The following MROH1 variants were observed in gnomAD, a reference collection of about 807,000 sequenced individuals.
MROH1 encodes the protein maestro heat like repeat family member 1, also known as maestro heat-like repeat-containing protein family member 1.
A neutral mutation model predicts 116.5 loss-of-function variants in MROH1; 117 were observed. That is an observed-to-expected ratio of 1.00 (90% CI 0.86 to 1.17). The LOEUF is 1.17. MROH1 is among the 50% of genes most tolerant of loss of function. The pLI, the probability that MROH1 is intolerant of heterozygous loss-of-function variation, is 0.00. For missense variants in MROH1, 1,873 were observed against 1,338.5 expected, an observed-to-expected ratio of 1.40 and a Z score of -6.23; for synonymous variants, 921 against 583.9, an observed-to-expected ratio of 1.58 and a Z score of -8.32.
intron 35 of MROH1, 24 bp downstream of exon 35, chr8:144,255,729 C>A: frequency 1.4e-6 from 1 of 734,682 alleles, no homozygotes; most frequent in Non-Finnish European, 2.5e-6. Context: ...CACTTCCCAC[C>A]TCCAGTACTG....
intron 12 of MROH1, among the ~76,000 whole-genome samples, chr8:144,215,157 A>G (rs776316673): frequency 6.6e-6 from 1 of 152,186 alleles, no homozygotes; most frequent in Non-Finnish European, 1.5e-5. Context: ...TGCATCCTTC[A>G]CTCTAATTAA....
chr8:144,179,619 A>G lies in MROH1; in HGVS notation c.300+33A>G, dbSNP rs2131313868. ...GCAGGCCCTCTGGCCTCGCAGACTC[A>G]GGCCTAGCTTGGGAAGGGAAGCTGC... On this transcript the variant is annotated intron_variant, in intron 5 of 43. Transcript: ENST00000326134. The G allele has an allele frequency of 2.5e-6, 4 of 1,575,528 alleles. No homozygotes were observed. In the East Asian group the frequency reaches 7.1e-5, roughly 28 times the overall value.
At chr8:144,202,018 C>CAAA (rs1360553214) in intron 12 of MROH1, among the ~76,000 whole-genome samples, 3 of 147,198 alleles carry the variant, frequency 2.0e-5, no homozygotes, top group African/African-American at 5.0e-5. Flanking sequence ...ACTCCGTCTC[C>CAAA]AAAAAAAAAA....
At chr8:144,166,518 G>A (rs946215682) in intron 3 of MROH1, among the ~76,000 whole-genome samples, 20 of 152,194 alleles carry the variant, frequency 1.3e-4, no homozygotes, top group Non-Finnish European at 2.6e-4. Context: ...CAGGATGGGT[G>A]AAGCTCTGCC....
At chr8:144,219,010 T>G (rs937079204) in intron 12 of MROH1, among the ~76,000 whole-genome samples, 42 of 133,306 alleles carry the variant, frequency 3.2e-4, no homozygotes, top group South Asian at 3.1e-3. Context: ...AATTTTTGTG[T>G]TTTTTTTTGT....
intron 22 of MROH1, chr8:144,242,100 G>A: frequency 3.5e-6 from 2 of 569,238 alleles, no homozygotes; most frequent in South Asian, 3.9e-5. Context: ...TTGACCCTCG[G>A]CCCTCTGCTA....
intron 12 of MROH1, chr8:144,214,007 A>T (rs1834743726): frequency 6.6e-6 from 1 of 152,108 alleles, no homozygotes; most frequent in Admixed American, 6.5e-5. Flanking sequence ...AAAACACAGT[A>T]ATTTCATAGA....
At chr8:144,166,029 C>T (rs1234023210) in intron 3 of MROH1, among the ~76,000 whole-genome samples, 2 of 152,100 alleles carry the variant, frequency 1.3e-5, no homozygotes, top group Non-Finnish European at 1.5e-5. Context: ...TAGGTACCTG[C>T]CATCACACCT....
intron 39 of MROH1, 68 bp from the exon 40 acceptor site, chr8:144,260,609 G>C: frequency 1.3e-6 from 1 of 768,322 alleles, no homozygotes; most frequent in South Asian, 1.3e-5. Context: ...ATCAATGGCA[G>C]GGGGCTAGGC....
chr8:144,249,084 G>GGGGGTGC (rs1842399513), intron 32 of MROH1, 55 bp downstream of exon 32: 1 of 709,360 alleles, frequency 1.4e-6, no homozygotes, highest in African/African-American at 1.8e-5. Context: ...AGAGGGCGCG[G>GGGGGTGC]TGGGACGGGC....
chr8:144,231,211 T>C (rs1222528153), intron 14 of MROH1, among the ~76,000 whole-genome samples: 1 of 151,384 alleles, frequency 6.6e-6, no homozygotes, highest in Non-Finnish European at 1.5e-5. Flanking sequence ...TCTACTTCTT[T>C]CTACACAGAC....
chr8:144,232,109 A>G (rs559759330), intron 14 of MROH1, among the ~76,000 whole-genome samples: 5 of 152,322 alleles, frequency 3.3e-5, no homozygotes, highest in Admixed American at 1.3e-4. Context: ...ATAGTAGGGT[A>G]AACTATAGTC....
chr8:144,226,420 G>A (rs550843792), intron 14 of MROH1, among the ~76,000 whole-genome samples: 1 of 152,228 alleles, frequency 6.6e-6, no homozygotes, highest in East Asian at 1.9e-4. Flanking sequence ...GTCATCATCT[G>A]TCAGCAGTAC....
chr8:144,153,101 A>C (rs992956523), intron 1 of MROH1, among the ~76,000 whole-genome samples: 1 of 152,130 alleles, frequency 6.6e-6, no homozygotes, highest in Non-Finnish European at 1.5e-5. Context: ...TTGGGATTCC[A>C]CGTGTGAGAT....
intron 12 of MROH1, among the ~76,000 whole-genome samples, chr8:144,206,984 G>A (rs1832962855): frequency 6.6e-6 from 1 of 151,136 alleles, no homozygotes; most frequent in African/African-American, 2.4e-5. Context: ...AGTGAGCCAA[G>A]ATTGCATCAC....
In MROH1 at chr8:144,259,259, G is replaced by T; in HGVS notation, c.3949G>T (p.Gly1317Trp). The change falls in exon 37 of 44, where the codon GGG becomes TGG. Residue 1317 changes from glycine to tryptophan, a missense_variant. Coordinates refer to ENST00000326134, the MANE Select transcript of MROH1 (RefSeq NM_032450.3). ...RLARAMAEHA[G>W]PRLPLVLKTL... Reference sequence around the variant, plus strand: ...TCCCAGGGCCATGGCTGAGCACGCAGGGCCCCGACTCCCCCTGGTGCTGAA... The same window carrying T: ...TCCCAGGGCCATGGCTGAGCACGCATGGCCCCGACTCCCCCTGGTGCTGAA... 1 of 714,454 alleles carries T rather than the reference G, an allele frequency of 1.4e-6. No individual in the cohort carries two copies. Among genetic ancestry groups the T allele is most frequent in the East Asian group, 2.7e-5 (1 of 37,292 alleles). 44.3% of individuals were successfully genotyped at this position (714,454 alleles called of 1,614,324 possible).
Position 144,163,286 on chromosome 8 carries a change from G to A in MROH1, c.-56-485G>A, listed in dbSNP as rs373070612. On this transcript the variant is annotated intron_variant, in intron 2 of 43. Coordinates refer to ENST00000326134, the MANE Select transcript of MROH1 (RefSeq NM_032450.3). This position sits in a 1 kb window ranked among gnomAD's most constrained non-coding sequence, Gnocchi z 4.4. ...CTGATGACGTAGGTCCTCAGAAAGCGTGACACAAGACTTGAATGTGTGTCC... is the reference window on the plus strand; with the variant it reads ...CTGATGACGTAGGTCCTCAGAAAGCATGACACAAGACTTGAATGTGTGTCC... Among the ~76,000 whole-genome samples the A allele has an allele frequency of 6.6e-6, 1 of 152,200 alleles. No homozygotes were observed. Among genetic ancestry groups the A allele is most frequent in the African/African-American group, 2.4e-5 (1 of 41,458 alleles).
At chr8:144,217,451 A>G (rs1191105167) in intron 12 of MROH1, among the ~76,000 whole-genome samples, 1 of 152,214 alleles carries the variant, frequency 6.6e-6, no homozygotes, top group Admixed American at 6.5e-5. Flanking sequence ...AAAGACCCCA[A>G]AATCTGAAAC....
intron 10 of MROH1, among the ~76,000 whole-genome samples, chr8:144,196,044 A>G (rs1829811700): frequency 6.6e-6 from 1 of 151,986 alleles, no homozygotes; most frequent in African/African-American, 2.4e-5. Flanking sequence ...TAATCCCAGC[A>G]CTTTGGGAGG....
Sources: allele counts gnomAD v4.1 joint callset (sites outside exome capture counted in the v4.1 genomes callset), GRCh38; gene constraint gnomAD v4.1.1; non-coding constraint Gnocchi (gnomAD v3.1); transcripts MANE v1.5; gene names NCBI Gene and HGNC (gene_info 2026-07-23, HGNC 2026-07-21).